UNC13C: variants seen among roughly 807,000 people sequenced by gnomAD.
UNC13C encodes the protein protein unc-13 homolog C.
A neutral mutation model predicts 245.4 loss-of-function variants in UNC13C; 174 were observed. The observed-to-expected ratio is 0.71, with a 90% CI of 0.63 to 0.80. The LOEUF (loss-of-function observed/expected upper bound fraction) is 0.80. Ranked by LOEUF, UNC13C falls within the 30% of genes least tolerant of loss-of-function variation. The pLI is 0.00. For synonymous variants in UNC13C, 992 were observed against 895.1 expected (o/e 1.11, Z -1.93); for missense variants, 2,829 against 2,602.9 (o/e 1.09, Z -1.89).
At chr15:53,956,905 T>TGTGTGTGTGTGTGTGC in the UNC13C span, among the ~76,000 whole-genome samples, 14 of 151,394 alleles carry the variant, frequency 9.2e-5, no homozygotes, top group East Asian at 7.8e-4. Context: ...TGTGTGTGTG[T>TGTGTGTGTGTGTGTGC]GCATGCACAC....
At chr15:54,087,224 T>TA (rs1013781729) in intron 2 of UNC13C, among the ~76,000 whole-genome samples, 322 of 151,856 alleles carry the variant, frequency 2.1e-3, no homozygotes, top group Middle Eastern at 6.8e-3. Flanking sequence ...GCAGTTTTTT[T>TA]AAAAAAAATA....
At chr15:54,515,265 G>T (rs1042839232) in intron 24 of UNC13C, among the ~76,000 whole-genome samples, 1 of 152,076 alleles carries the variant, frequency 6.6e-6, no homozygotes, top group Admixed American at 6.5e-5. Context: ...AAGTTAATTT[G>T]CACTACAATC....
At chr15:54,369,713 A>G (rs1008284363) in intron 17 of UNC13C, among the ~76,000 whole-genome samples, 1 of 152,150 alleles carries the variant, frequency 6.6e-6, no homozygotes, top group Admixed American at 6.6e-5. Flanking sequence ...TCACCAATGC[A>G]TGGATAAACA....
chr15:53,859,778 C>A, the UNC13C span, among the ~76,000 whole-genome samples: 1 of 152,176 alleles, frequency 6.6e-6, no homozygotes, highest in African/African-American at 2.4e-5. Context: ...TGGCCAGATT[C>A]TTGGCTCCAC....
chr15:53,997,107 C>T (rs1894670367), intron 1 of UNC13C, among the ~76,000 whole-genome samples: 1 of 152,080 alleles, frequency 6.6e-6, no homozygotes, highest in Non-Finnish European at 1.5e-5. Context: ...TAGCCATTTT[C>T]ATCTGTATGA....
At chr15:54,332,260 C>A in intron 15 of UNC13C, 149 bp downstream of exon 15, 1 of 577,328 alleles carries the variant, frequency 1.7e-6, no homozygotes, top group Non-Finnish European at 3.0e-6. Context: ...AGCAGGTCTC[C>A]TTTTTTGTTC....
At chr15:54,121,593 T>A (rs1041571759) in intron 2 of UNC13C, among the ~76,000 whole-genome samples, 1 of 152,126 alleles carries the variant, frequency 6.6e-6, no homozygotes, top group African/African-American at 2.4e-5. Context: ...CACAGCTTTT[T>A]AATTTCCCTT....
At chr15:54,172,707 T>C (rs377193813) in intron 4 of UNC13C, among the ~76,000 whole-genome samples, 38 of 40,182 alleles carry the variant, frequency 9.5e-4, no homozygotes, top group Non-Finnish European at 1.3e-3. Flanking sequence ...CACACAGATA[T>C]ATATATATAT....
the UNC13C span, among the ~76,000 whole-genome samples, chr15:53,858,795 T>C: frequency 6.6e-6 from 1 of 152,172 alleles, no homozygotes; most frequent in Non-Finnish European, 1.5e-5. Flanking sequence ...TCTTAAATTT[T>C]ATAAGTATAA....
chr15:54,092,677 C>T (rs1899637786), intron 2 of UNC13C, among the ~76,000 whole-genome samples: 2 of 152,094 alleles, frequency 1.3e-5, no homozygotes, highest in African/African-American at 2.4e-5. Flanking sequence ...GTTTAGAAGT[C>T]CATTGGGGAA....
intron 2 of UNC13C, among the ~76,000 whole-genome samples, chr15:54,062,523 C>G (rs550112362): frequency 6.6e-6 from 1 of 152,052 alleles, no homozygotes; most frequent in African/African-American, 2.4e-5. Flanking sequence ...TGAAACTGGT[C>G]CTAAACATGT....
chr15:54,140,257 T>C (rs2031950756), intron 2 of UNC13C, among the ~76,000 whole-genome samples: 1 of 152,198 alleles, frequency 6.6e-6, no homozygotes, highest in Admixed American at 6.5e-5. Context: ...ATCTTCACTA[T>C]ATAGAAAAAT....
intron 1 of UNC13C, among the ~76,000 whole-genome samples, chr15:53,982,793 G>A (rs74016047): frequency 0.028 from 4,207 of 152,178 alleles, 84 homozygotes; most frequent in South Asian, 0.06. Flanking sequence ...TGTTGGACTG[G>A]TTAGATGTTC....
chr15:54,219,526 G>A (rs1301555918), intron 4 of UNC13C, among the ~76,000 whole-genome samples: 3 of 148,250 alleles, frequency 2.0e-5, no homozygotes, highest in African/African-American at 7.6e-5. Flanking sequence ...TACCATTCAG[G>A]ACATAGGCAT....
intron 7 of UNC13C, among the ~76,000 whole-genome samples, chr15:54,240,379 G>T (rs1218206987): frequency 1.3e-5 from 2 of 152,086 alleles, no homozygotes; most frequent in Admixed American, 6.5e-5. Context: ...TGCACTTCTT[G>T]GTGCTGAAAA....
the UNC13C span, among the ~76,000 whole-genome samples, chr15:53,878,333 G>A: frequency 1.3e-5 from 2 of 152,132 alleles, no homozygotes; most frequent in Admixed American, 6.5e-5. Flanking sequence ...GGACTCTAGA[G>A]TTTCTGAAGC....
In UNC13C at chr15:54,179,018, A is replaced by G. The variant is rs76685709; in HGVS notation, c.3071+35334A>G. Among the ~76,000 whole-genome samples the G allele has an allele frequency of 4.3e-4, 66 of 152,306 alleles. 1 individual carries two copies. In the East Asian group the frequency reaches 0.013, roughly 29 times the overall value. On this transcript the variant is annotated intron_variant, in intron 4 of 32. Transcript: ENST00000260323. ...CATAGTTATTTAGAGATCAGGAAGT[A>G]TAAATCTACCAGTTTCCGAAGAGGA...
chr15:53,895,450 C>T, the UNC13C span, among the ~76,000 whole-genome samples: 780 of 150,674 alleles, frequency 5.2e-3, 3 homozygotes, highest in Non-Finnish European at 7.3e-3. Context: ...TCTACTACTG[C>T]GTAAATCTTA....
chr15:54,040,996 C>G (rs1566968299), intron 2 of UNC13C, among the ~76,000 whole-genome samples: 1 of 152,166 alleles, frequency 6.6e-6, no homozygotes, highest in Non-Finnish European at 1.5e-5. Flanking sequence ...TTGCACTTAG[C>G]CTTTGAATTC....
Sources: gnomAD v4.1 joint callset for allele counts (sites outside exome capture counted in the v4.1 genomes callset) on GRCh38, gnomAD v4.1.1 for gene constraint, MANE v1.5 for transcripts, NCBI Gene and HGNC (gene_info 2026-07-23, HGNC 2026-07-21) for gene names.